The following CDADC1 variants were observed in gnomAD, a reference collection of about 807,000 sequenced individuals.
The protein encoded by CDADC1 is cytidine and dCMP deaminase domain containing 1, also known as dCTP deaminase.
CDADC1 carries 39 observed loss-of-function variants against 54.9 expected under a neutral mutation model. The observed-to-expected ratio is 0.71, with a 90% CI of 0.55 to 0.93. The LOEUF (loss-of-function observed/expected upper bound fraction) is 0.93, where lower values mean the gene tolerates loss of function less well. CDADC1 is among the 40% of genes least tolerant of loss of function. The pLI is 0.00. For missense variants in CDADC1, 518 were observed against 618.8 expected (o/e 0.84, Z 1.73); for synonymous variants, 186 against 204.0 (o/e 0.91, Z 0.75).
rs1475667643 is a variant in CDADC1 at position 49,277,908 on chromosome 13, G to A, written c.1051-442G>A. Among the ~76,000 whole-genome samples, 3 of 152,174 alleles carry A rather than the reference G, an allele frequency of 2.0e-5. No individual in the cohort carries two copies. In the East Asian group the frequency reaches 5.8e-4, roughly 29 times the overall value. ...AAAGTTTTTGACTTGCTAACCAGTA[G>A]CATGGCACAGAGCACATAAGAAATT... On this transcript the variant is annotated intron_variant, in intron 6 of 9. Coordinates refer to ENST00000251108, the MANE Select transcript of CDADC1 (RefSeq NM_030911.4).
chr13:49,291,209 C>T (rs989423144), intron 9 of CDADC1, among the ~76,000 whole-genome samples: 30 of 151,076 alleles, frequency 2.0e-4, no homozygotes, highest in Non-Finnish European at 3.8e-4. Context: ...CTGTGTCACC[C>T]AGGCTGGAAT....
intron 5 of CDADC1, among the ~76,000 whole-genome samples, chr13:49,270,159 G>T (rs956786872): frequency 6.6e-6 from 1 of 152,180 alleles, no homozygotes; most frequent in African/African-American, 2.4e-5. Context: ...CAAAGATAAA[G>T]GGTCCACAAT....
rs1394615120 is a variant in CDADC1 at position 49,267,709 on chromosome 13, C to G, written c.650C>G (p.Thr217Arg). 1 of 1,612,176 alleles carries G rather than the reference C, an allele frequency of 6.2e-7. No homozygotes were observed. The highest frequency in any genetic ancestry group is 1.7e-5 in the Admixed American group (1 of 59,686). The change falls in exon 5 of 10, where the codon ACA becomes AGA. Residue 217 changes from threonine (T) to arginine (R), a missense_variant. Thr to Arg is a moderately conservative substitution (Grantham distance 71). Coordinates refer to ENST00000251108, the MANE Select transcript of CDADC1 (RefSeq NM_030911.4). ...AAATGTGACTTTATTCAAAAAATTA[C>G]AAAAACATTGCCGGATGCTAACACT... Reference protein sequence around the residue: ...SYKCDFIQKITKTLPDANTDF... With the variant: ...SYKCDFIQKIRKTLPDANTDF...
At chr13:49,263,042 C>T (rs1218466476) in intron 4 of CDADC1, among the ~76,000 whole-genome samples, 1 of 152,212 alleles carries the variant, frequency 6.6e-6, no homozygotes, top group African/African-American at 2.4e-5. Flanking sequence ...GCTTTTGCTA[C>T]AGACCTAAGG....
chr13:49,281,289 A>G (rs1953326334), intron 8 of CDADC1, among the ~76,000 whole-genome samples: 1 of 152,152 alleles, frequency 6.6e-6, no homozygotes, highest in African/African-American at 2.4e-5. Flanking sequence ...TGGCTGATAA[A>G]AGAAAAATCT....
intron 2 of CDADC1, among the ~76,000 whole-genome samples, chr13:49,251,684 C>T (rs929322329): frequency 4.6e-5 from 7 of 151,978 alleles, no homozygotes; most frequent in African/African-American, 1.7e-4. Flanking sequence ...CCTACTGTTT[C>T]CTCATACTAT....
intron 1 of CDADC1, 69 bp from the exon 2 acceptor site, chr13:49,248,801 TG>T (rs777405119): frequency 1.3e-5 from 12 of 947,926 alleles, no homozygotes; most frequent in Non-Finnish European, 1.7e-5. Context: ...AGCACCTAAG[TG>T]GCATTGAGAT....
intron 9 of CDADC1, among the ~76,000 whole-genome samples, chr13:49,286,485 T>G (rs754450237): frequency 6.6e-6 from 1 of 152,224 alleles, no homozygotes; most frequent in Non-Finnish European, 1.5e-5. Flanking sequence ...TAATAATTAC[T>G]CCTATAGAAT....
intron 7 of CDADC1, among the ~76,000 whole-genome samples, chr13:49,278,923 G>A (rs1566372773): frequency 6.6e-6 from 1 of 152,160 alleles, no homozygotes; most frequent in African/African-American, 2.4e-5. Context: ...CATGCACAAC[G>A]TGTTCCCATA....
intron 9 of CDADC1, among the ~76,000 whole-genome samples, chr13:49,290,587 A>G (rs1953677804): frequency 6.6e-6 from 1 of 152,210 alleles, no homozygotes; most frequent in African/African-American, 2.4e-5. Context: ...GAAATCCCTC[A>G]AAAGATGGGA....
intron 5 of CDADC1, among the ~76,000 whole-genome samples, chr13:49,273,630 T>C (rs1953027074): frequency 1.3e-5 from 2 of 152,206 alleles, no homozygotes; most frequent in Non-Finnish European, 2.9e-5. Flanking sequence ...GATTTAGAAA[T>C]GGGCAAGATG....
In CDADC1 at chr13:49,288,938, A is replaced by G. The variant is rs151268001; in HGVS notation, c.1471+2656A>G. ...TGAGGAGCAATAGTAAGCGAACACA[A>G]TAGCCAGAGCTATCCTGGGGACAAA... On this transcript the variant is annotated intron_variant, in intron 9 of 9. Transcript: ENST00000251108. Among the ~76,000 whole-genome samples, 405 of 152,250 alleles carry G rather than the reference A, an allele frequency of 2.7e-3. 3 individuals carry two copies. The highest frequency in any genetic ancestry group is 9.2e-3 in the African/African-American group (382 of 41,540).
At chr13:49,259,665 A>G (rs1053397087) in intron 4 of CDADC1, 142 bp downstream of exon 4, 1 of 707,084 alleles carries the variant, frequency 1.4e-6, no homozygotes, top group Non-Finnish European at 2.3e-6. Context: ...AGCCTGTGCA[A>G]CATAGGGAGA....
At position 49,291,686 on chromosome 13, in the gene CDADC1, G is replaced by A; in HGVS notation, c.1474G>A (p.Gly492Ser). Reference sequence around the variant, plus strand: ...CCTAGCGTTATTCTCAATGCTAGATGGTGTGTTGAGACCTGTCCCACAGAA... The same window carrying A: ...CCTAGCGTTATTCTCAATGCTAGATAGTGTGTTGAGACCTGTCCCACAGAA... ...EQNEPERREN[G>S]VLRPVPQKEE... The change falls in exon 10 of 10, where the codon GGT (glycine) becomes AGT (serine). Residue 492 changes from glycine to serine, a missense_variant and splice_region_variant. Physicochemically the swap from Gly to Ser is moderately conservative, Grantham distance 56. Coordinates refer to ENST00000251108, the MANE Select transcript of CDADC1 (RefSeq NM_030911.4). 1.2e-6 allele frequency: 2 copies of A among 1,613,782 alleles called. No homozygotes were observed. The highest frequency in any genetic ancestry group is 1.7e-6 in the Non-Finnish European group (2 of 1,179,924).
At chr13:49,257,285 T>C (rs974406699) in intron 3 of CDADC1, among the ~76,000 whole-genome samples, 1 of 152,206 alleles carries the variant, frequency 6.6e-6, no homozygotes, top group Admixed American at 6.5e-5. Context: ...AGTTGATGAG[T>C]GTGCTTCTCA....
chr13:49,254,137 GTTA>G (rs1274903715), intron 2 of CDADC1, among the ~76,000 whole-genome samples: 1 of 152,148 alleles, frequency 6.6e-6, no homozygotes, highest in Admixed American at 6.5e-5. Flanking sequence ...GTTAGGTACT[GTTA>G]TTATCATCAC....
At chr13:49,271,661 G>A (rs748275560) in intron 5 of CDADC1, among the ~76,000 whole-genome samples, 1 of 151,634 alleles carries the variant, frequency 6.6e-6, no homozygotes, top group Non-Finnish European at 1.5e-5. Flanking sequence ...GATGCAAGAG[G>A]ACTGTGGAGC....
chr13:49,282,755 G>A lies in CDADC1; in HGVS notation c.1410+2057G>A, dbSNP rs538860505. Among the ~76,000 whole-genome samples the A allele has an allele frequency of 5.9e-5, 9 of 152,292 alleles. 1 individual carries two copies. The South Asian group carries it at 1.4e-3, about 25-fold the overall frequency. ...ACATTACTGCTTAAGCTCTGCCTCC[G>A]GCCAGATCAGCAGCGGCATTAGATT... On this transcript the variant is annotated intron_variant, in intron 8 of 9. Coordinates refer to ENST00000251108, the MANE Select transcript of CDADC1 (RefSeq NM_030911.4).
intron 6 of CDADC1, among the ~76,000 whole-genome samples, chr13:49,275,752 G>T (rs1198761434): frequency 1.6e-4 from 9 of 54,984 alleles, no homozygotes; most frequent in South Asian, 6.5e-4. Context: ...GAGAGAGAGA[G>T]AGAGAGAGAG....
Sources: gnomAD v4.1 joint callset for allele counts (sites outside exome capture counted in the v4.1 genomes callset) on GRCh38, gnomAD v4.1.1 for gene constraint, MANE v1.5 for transcripts, NCBI Gene and HGNC (gene_info 2026-07-23, HGNC 2026-07-21) for gene names.